CTNNA2: variants seen among roughly 807,000 people sequenced by gnomAD.
The protein encoded by CTNNA2 is catenin alpha-2.
CTNNA2 carries 42 observed loss-of-function variants against 101.0 expected under a neutral mutation model. The observed-to-expected ratio is 0.42, with a 90% CI of 0.32 to 0.54. The LOEUF is 0.54. Among genes scored for constraint, CTNNA2 ranks in the 20% least tolerant of loss-of-function variants. The pLI is 0.14. For missense variants in CTNNA2, 871 were observed against 1,223.1 expected (o/e 0.71, Z 4.29); for synonymous variants, 450 against 456.4 (o/e 0.99, Z 0.18).
At chr2:80,420,590 A>T (rs1383432950) in intron 9 of CTNNA2, among the ~76,000 whole-genome samples, 1 of 152,172 alleles carries the variant, frequency 6.6e-6, no homozygotes. Context: ...TGGATGGAAA[A>T]ATCAAAATCC....
intron 4 of CTNNA2, among the ~76,000 whole-genome samples, chr2:79,382,483 T>C (rs1336345177): frequency 6.6e-6 from 1 of 152,190 alleles, no homozygotes; most frequent in Non-Finnish European, 1.5e-5. Flanking sequence ...AGAAGAAGGT[T>C]TCCAATTATC....
At chr2:79,268,112 A>G (rs565639550) in intron 2 of CTNNA2, among the ~76,000 whole-genome samples, 36 of 152,114 alleles carry the variant, frequency 2.4e-4, no homozygotes, top group Non-Finnish European at 3.2e-4. Context: ...CCCTGTAGGC[A>G]GGGGCCTGAT....
chr2:80,033,425 T>C (rs895828169), intron 7 of CTNNA2, among the ~76,000 whole-genome samples: 91 of 151,838 alleles, frequency 6.0e-4, no homozygotes, highest in African/African-American at 2.1e-3. Flanking sequence ...AATTAGAAAT[T>C]AGCCAGGCTT....
intron 2 of CTNNA2, among the ~76,000 whole-genome samples, chr2:79,198,764 G>A (rs1673995176): frequency 7.6e-6 from 1 of 131,950 alleles, no homozygotes; most frequent in Admixed American, 8.9e-5. Flanking sequence ...AAACAAGCAA[G>A]TAAACAAACC....
intron 4 of CTNNA2, among the ~76,000 whole-genome samples, chr2:79,445,073 A>T (rs1414696554): frequency 2.0e-5 from 3 of 152,190 alleles, no homozygotes; most frequent in Admixed American, 6.5e-5. Context: ...CATTTTGAGG[A>T]TGCTAGACAG....
intron 2 of CTNNA2, among the ~76,000 whole-genome samples, chr2:79,703,359 A>T (rs937276619): frequency 2.0e-5 from 3 of 152,188 alleles, no homozygotes; most frequent in Non-Finnish European, 2.9e-5. Flanking sequence ...AGGTGATTGT[A>T]ATAAGTTGAA....
intron 3 of CTNNA2, among the ~76,000 whole-genome samples, chr2:79,362,703 A>C (rs1416134447): frequency 6.6e-6 from 1 of 152,228 alleles, no homozygotes; most frequent in African/African-American, 2.4e-5. Flanking sequence ...CAATCAGAAT[A>C]ATGTGATTTG....
chr2:80,537,868 C>T (rs1330944806), intron 9 of CTNNA2, among the ~76,000 whole-genome samples: 4 of 152,122 alleles, frequency 2.6e-5, no homozygotes, highest in African/African-American at 9.7e-5. Context: ...GCTGGGATTA[C>T]AAGCATGAGC....
intron 4 of CTNNA2, among the ~76,000 whole-genome samples, chr2:79,381,922 T>C (rs556886782): frequency 6.6e-6 from 1 of 152,324 alleles, no homozygotes. Context: ...AATGACTGCG[T>C]GATTGCTAAT....
intron 7 of CTNNA2, among the ~76,000 whole-genome samples, chr2:80,168,002 C>T (rs1479600424): frequency 2.6e-5 from 4 of 152,136 alleles, no homozygotes; most frequent in East Asian, 3.9e-4. Context: ...CTTTTTCCCA[C>T]TTTTTATTCT....
At chr2:80,242,452 C>G (rs1225804498) in intron 7 of CTNNA2, among the ~76,000 whole-genome samples, 3 of 152,198 alleles carry the variant, frequency 2.0e-5, no homozygotes, top group Non-Finnish European at 2.9e-5. Context: ...TCTGTTGGAG[C>G]TGGGAGAGTC....
At chr2:79,262,478 G>T (rs986746913) in intron 2 of CTNNA2, among the ~76,000 whole-genome samples, 4 of 151,748 alleles carry the variant, frequency 2.6e-5, no homozygotes, top group Non-Finnish European at 5.9e-5. Context: ...AAATAATCAA[G>T]AGCCAAAAGT....
intron 7 of CTNNA2, among the ~76,000 whole-genome samples, chr2:80,223,311 G>A (rs1708684844): frequency 6.6e-6 from 1 of 152,164 alleles, no homozygotes; most frequent in Admixed American, 6.5e-5. Flanking sequence ...ATAGAGGAAG[G>A]GAAGAGAGAG....
intron 7 of CTNNA2, among the ~76,000 whole-genome samples, chr2:80,272,836 C>T (rs552285062): frequency 5.9e-5 from 9 of 152,246 alleles, no homozygotes; most frequent in Admixed American, 1.3e-4. Flanking sequence ...ACCCAAGCTG[C>T]GAGACAACTA....
chr2:79,318,163 G>C (rs1389962032), intron 3 of CTNNA2, among the ~76,000 whole-genome samples: 5 of 152,118 alleles, frequency 3.3e-5, no homozygotes, highest in Non-Finnish European at 5.9e-5. Context: ...AACATGTATA[G>C]ATAGAATGTT....
intron 1 of CTNNA2, among the ~76,000 whole-genome samples, chr2:79,187,423 C>T (rs1306277379): frequency 6.6e-6 from 1 of 151,770 alleles, no homozygotes; most frequent in African/African-American, 2.4e-5. Flanking sequence ...CTGCCTGAGT[C>T]TCCCAAGTAG....
chr2:80,446,151 C>G (rs558151526), intron 9 of CTNNA2, among the ~76,000 whole-genome samples: 1 of 152,290 alleles, frequency 6.6e-6, no homozygotes, highest in South Asian at 2.1e-4. Flanking sequence ...ATTCTTGACT[C>G]TGTTAAGAAT....
At chr2:80,014,116 A>G (rs1297689498) in intron 7 of CTNNA2, among the ~76,000 whole-genome samples, 1 of 152,178 alleles carries the variant, frequency 6.6e-6, no homozygotes, top group African/African-American at 2.4e-5. Flanking sequence ...AAGTAGCATT[A>G]TTATTATTTG....
chr2:79,475,659 T>C (rs557143353), intron 4 of CTNNA2, among the ~76,000 whole-genome samples: 1 of 143,800 alleles, frequency 7.0e-6, no homozygotes, highest in Admixed American at 7.2e-5. Flanking sequence ...TCAATATAGC[T>C]TATTTTTCAT....
Sources: allele counts gnomAD v4.1 joint callset (sites outside exome capture counted in the v4.1 genomes callset), GRCh38; gene constraint gnomAD v4.1.1; transcripts MANE v1.5; gene names NCBI Gene and HGNC (gene_info 2026-07-23, HGNC 2026-07-21).